LINGO2: variants seen among roughly 807,000 people sequenced by gnomAD.
The protein encoded by LINGO2 is leucine-rich repeat and immunoglobulin-like domain-containing nogo receptor-interacting protein 2.
Under a neutral mutation model 30.6 loss-of-function variants are expected in LINGO2, and 14 were observed. The observed-to-expected ratio is 0.46, with a 90% confidence interval of 0.30 to 0.72. The LOEUF is 0.72. Among genes scored for constraint, LINGO2 ranks in the 30% least tolerant of loss-of-function variants. LINGO2 has a pLI of 0.07. For missense variants in LINGO2, 729 were observed against 751.7 expected, an observed-to-expected ratio of 0.97 and a Z score of 0.35; for synonymous variants, 317 against 288.5, an observed-to-expected ratio of 1.10 and a Z score of -1.00.
intron 4 of LINGO2, among the ~76,000 whole-genome samples, chr9:28,066,525 T>A (rs1825318560): frequency 6.6e-6 from 1 of 152,094 alleles, no homozygotes; most frequent in Non-Finnish European, 1.5e-5. Context: ...AAACCTTAGC[T>A]AGGAGAATAG....
the LINGO2 span, among the ~76,000 whole-genome samples, chr9:29,002,140 A>G: frequency 6.6e-6 from 1 of 151,892 alleles, no homozygotes; most frequent in East Asian, 1.9e-4. Flanking sequence ...TAAAGTCCCC[A>G]TTGCTTTTTC....
intron 4 of LINGO2, among the ~76,000 whole-genome samples, chr9:28,015,762 G>A (rs1168391142): frequency 6.6e-6 from 1 of 150,560 alleles, no homozygotes; most frequent in Non-Finnish European, 1.5e-5. Context: ...AAAACAACCT[G>A]AGACTCAGGT....
At chr9:28,520,562 T>C (rs1242784776) in intron 1 of LINGO2, among the ~76,000 whole-genome samples, 1 of 152,170 alleles carries the variant, frequency 6.6e-6, no homozygotes, top group Non-Finnish European at 1.5e-5. Flanking sequence ...GTTACTTGTC[T>C]GTATCACCCA....
the LINGO2 span, among the ~76,000 whole-genome samples, chr9:29,002,671 C>A: frequency 6.6e-6 from 1 of 151,978 alleles, no homozygotes; most frequent in African/African-American, 2.4e-5. Flanking sequence ...AATTTACCTG[C>A]GCTCTGTCAC....
intron 4 of LINGO2, among the ~76,000 whole-genome samples, chr9:28,141,876 C>T (rs2133498360): frequency 6.6e-6 from 1 of 152,306 alleles, no homozygotes; most frequent in Non-Finnish European, 1.5e-5. Flanking sequence ...CGCGCCATTG[C>T]ACTCCAGCCT....
At chr9:27,971,579 G>A (rs766100191) in intron 5 of LINGO2, among the ~76,000 whole-genome samples, 43 of 151,982 alleles carry the variant, frequency 2.8e-4, no homozygotes, top group Non-Finnish European at 4.7e-4. Context: ...AGTAGAGAAG[G>A]GGTTTCACCA....
the LINGO2 span, among the ~76,000 whole-genome samples, chr9:29,084,336 A>G: frequency 2.0e-5 from 3 of 152,220 alleles, no homozygotes; most frequent in South Asian, 2.1e-4. Flanking sequence ...GTTCCTAGAA[A>G]GATATGTCCC....
the LINGO2 span, among the ~76,000 whole-genome samples, chr9:28,751,695 ATTTG>A: frequency 6.6e-6 from 1 of 151,872 alleles, no homozygotes; most frequent in Admixed American, 6.6e-5. Flanking sequence ...TTGTATACTC[ATTTG>A]TTTATCTATT....
the LINGO2 span, among the ~76,000 whole-genome samples, chr9:28,882,792 A>G: frequency 1.3e-5 from 2 of 152,090 alleles, no homozygotes; most frequent in Admixed American, 6.6e-5. Context: ...GCTGATACTC[A>G]TCATCACCAA....
chr9:28,556,926 G>C (rs1330227688), intron 1 of LINGO2, among the ~76,000 whole-genome samples: 5 of 152,042 alleles, frequency 3.3e-5, no homozygotes, highest in Non-Finnish European at 7.4e-5. Flanking sequence ...AATGGTGCTG[G>C]GAAAACTGGC....
At chr9:28,207,980 G>T (rs749487843) in intron 4 of LINGO2, among the ~76,000 whole-genome samples, 11 of 151,880 alleles carry the variant, frequency 7.2e-5, no homozygotes, top group Admixed American at 3.9e-4. Context: ...TTCAAAGTCT[G>T]CTTTTTGGCT....
intron 5 of LINGO2, among the ~76,000 whole-genome samples, chr9:27,981,551 G>GAAAAAAAAAAAAAAAAAAAGAA (rs1279785343): frequency 2.3e-5 from 2 of 87,144 alleles, no homozygotes; most frequent in African/African-American, 8.4e-5. Context: ...AAAAAAAAAA[G>GAAAAAAAAAAAAAAAAAAAGAA]AAAAAAAAGA....
chr9:28,110,313 C>T (rs1826736307), intron 4 of LINGO2, among the ~76,000 whole-genome samples: 1 of 152,104 alleles, frequency 6.6e-6, no homozygotes, highest in Non-Finnish European at 1.5e-5. Flanking sequence ...CTTAGCAATA[C>T]CATTCAGAAC....
At chr9:28,966,235 AC>A in the LINGO2 span, among the ~76,000 whole-genome samples, 2 of 152,194 alleles carry the variant, frequency 1.3e-5, no homozygotes, top group Admixed American at 6.5e-5. Flanking sequence ...AGAGATTAGA[AC>A]AAAAGAGTAA....
chr9:28,269,228 G>A (rs2134080461), intron 4 of LINGO2, among the ~76,000 whole-genome samples: 1 of 152,032 alleles, frequency 6.6e-6, no homozygotes, highest in Middle Eastern at 3.4e-3. Context: ...TCTGCCTCTT[G>A]ATTTAACTGA....
chr9:28,634,083 T>G (rs1204418447), intron 1 of LINGO2, among the ~76,000 whole-genome samples: 1 of 152,076 alleles, frequency 6.6e-6, no homozygotes, highest in Non-Finnish European at 1.5e-5. Context: ...ACTGCAGAGA[T>G]TATTCTCTAA....
intron 4 of LINGO2, among the ~76,000 whole-genome samples, chr9:28,047,768 CTT>C (rs1824490605): frequency 6.9e-6 from 1 of 144,918 alleles, no homozygotes; most frequent in Admixed American, 7.3e-5. Context: ...CAATAGAACA[CTT>C]AAAATTATAC....
chr9:27,949,336 T>A (rs1823509078), exon 6 of LINGO2: 2 of 1,613,994 alleles, frequency 1.2e-6, no homozygotes, highest in Admixed American at 1.7e-5. Flanking sequence ...CTTCGGGGTG[T>A]CACCCAGGAA....
chr9:28,004,881 A>G (rs1474911807), intron 5 of LINGO2, among the ~76,000 whole-genome samples: 1 of 152,200 alleles, frequency 6.6e-6, no homozygotes, highest in South Asian at 2.1e-4. Flanking sequence ...TGTATATAAG[A>G]GGAGTTCCTT....
Sources: allele counts gnomAD v4.1 joint callset (sites outside exome capture counted in the v4.1 genomes callset), GRCh38; gene constraint gnomAD v4.1.1; transcripts MANE v1.5; gene names NCBI Gene and HGNC (gene_info 2026-07-23, HGNC 2026-07-21).